The following COG3 variants were observed in gnomAD, a reference collection of about 807,000 sequenced individuals.
COG3 encodes the protein conserved oligomeric Golgi complex subunit 3.
Under a neutral mutation model 114.1 loss-of-function variants are expected in COG3, and 32 were observed. That is an observed-to-expected ratio of 0.28 (90% CI 0.21 to 0.38). The LOEUF is 0.38. COG3 is among the 10% of genes least tolerant of loss of function. The pLI is 1.00. For missense variants in COG3, 813 were observed against 973.2 expected, an observed-to-expected ratio of 0.84 and a Z score of 2.19; for synonymous variants, 352 against 365.7, an observed-to-expected ratio of 0.96 and a Z score of 0.43.
At chr13:45,498,874 T>A (rs996480125) in intron 13 of COG3, among the ~76,000 whole-genome samples, 4 of 152,036 alleles carry the variant, frequency 2.6e-5, no homozygotes, top group African/African-American at 9.7e-5. Context: ...TCTTTTTTTC[T>A]TGGTCAATCT....
intron 8 of COG3, among the ~76,000 whole-genome samples, chr13:45,487,381 A>G (rs868383774): frequency 5.3e-5 from 8 of 152,340 alleles, no homozygotes; most frequent in African/African-American, 1.9e-4. Context: ...AAAAACAAAA[A>G]TAGACAAATG....
chr13:45,467,321 G>A (rs1199743181), intron 1 of COG3, among the ~76,000 whole-genome samples: 2 of 152,366 alleles, frequency 1.3e-5, no homozygotes, highest in African/African-American at 4.8e-5. Context: ...GCCAGGTGCG[G>A]TGGCCCACGC....
intron 13 of COG3, among the ~76,000 whole-genome samples, chr13:45,500,023 A>AT (rs1158174396): frequency 2.5e-4 from 32 of 129,126 alleles, no homozygotes; most frequent in East Asian, 2.0e-4. Context: ...GCCTTAAAAA[A>AT]AAATATATAT....
At chr13:45,525,547 A>G (rs575835343) in intron 20 of COG3, among the ~76,000 whole-genome samples, 7 of 144,320 alleles carry the variant, frequency 4.9e-5, no homozygotes, top group African/African-American at 1.8e-4. Context: ...GGCAGGCAAT[A>G]CTATTGTCTG....
intron 13 of COG3, 138 bp downstream of exon 13, chr13:45,496,450 G>T: frequency 1.8e-6 from 1 of 568,354 alleles, no homozygotes; most frequent in Non-Finnish European, 2.4e-6. Context: ...GAACTCCTGA[G>T]CTCAAGTGAT....
In COG3 at chr13:45,481,213, C is replaced by G; in HGVS notation, c.550-17C>G. 1 of 1,474,378 alleles carries G rather than the reference C, an allele frequency of 6.8e-7. No individual in the cohort carries two copies. Among genetic ancestry groups the G allele is most frequent in the Non-Finnish European group, 9.4e-7 (1 of 1,064,736 alleles). 91.3% of individuals were successfully genotyped at this position (1,474,378 alleles called of 1,614,324 possible). ...TATTCTTATAATAATTGATTTTTCT[C>G]TTTTAAAAAATGCAAGTCGGAACTT... is the stretch of plus-strand genomic sequence containing the variant. On this transcript the variant is annotated splice_polypyrimidine_tract_variant and intron_variant, in intron 4 of 22. Transcript: ENST00000349995.
intron 10 of COG3, 21 bp from the exon 11 acceptor site, chr13:45,492,138 G>A (rs773505493): frequency 1.0e-5 from 15 of 1,443,632 alleles, no homozygotes; most frequent in Middle Eastern, 1.7e-4. Context: ...ACTGTAGGTG[G>A]TGTGTGTTTG....
chr13:45,466,259 G>A (rs1593664185), intron 1 of COG3, among the ~76,000 whole-genome samples: 1 of 152,068 alleles, frequency 6.6e-6, no homozygotes, highest in East Asian at 1.9e-4. Context: ...GGCTGTTCTC[G>A]AACTCCTGAC....
intron 9 of COG3, 50 bp downstream of exon 9, chr13:45,491,008 G>C: frequency 8.0e-7 from 1 of 1,243,036 alleles, no homozygotes; most frequent in Non-Finnish European, 1.2e-6. Context: ...TTGTCTTGTA[G>C]TACTGTTTTT....
chr13:45,501,956 T>C (rs906401158), intron 13 of COG3, among the ~76,000 whole-genome samples: 8 of 152,240 alleles, frequency 5.3e-5, no homozygotes, highest in Non-Finnish European at 1.2e-4. Context: ...ATATTAATTA[T>C]TTATATGTTG....
At chr13:45,498,785 T>TC (rs2137847289) in intron 13 of COG3, among the ~76,000 whole-genome samples, 1 of 142,028 alleles carries the variant, frequency 7.0e-6, no homozygotes, top group African/African-American at 2.8e-5. Flanking sequence ...ATTTTGTTCT[T>TC]TTTTTTTTTT....
At chr13:45,493,203 A>C (rs1049018865) in intron 11 of COG3, 144 bp from the exon 12 acceptor site, 1 of 598,698 alleles carries the variant, frequency 1.7e-6, no homozygotes, top group Non-Finnish European at 2.8e-6. Flanking sequence ...CTTTTCCCTT[A>C]TCATTCTATA....
At chr13:45,474,758 A>G (rs1235531944) in intron 1 of COG3, among the ~76,000 whole-genome samples, 1 of 151,318 alleles carries the variant, frequency 6.6e-6, no homozygotes, top group Non-Finnish European at 1.5e-5. Context: ...CTATCTTCAG[A>G]TGAAACTTCT....
chr13:45,517,414 C>G (rs1871656539), intron 17 of COG3, among the ~76,000 whole-genome samples: 1 of 152,110 alleles, frequency 6.6e-6, no homozygotes, highest in South Asian at 2.1e-4. Flanking sequence ...TATTTCGTTC[C>G]CTAGTGCTCT....
At chr13:45,483,910 C>T (rs1370061279) in intron 7 of COG3, among the ~76,000 whole-genome samples, 1 of 152,064 alleles carries the variant, frequency 6.6e-6, no homozygotes, top group Admixed American at 6.5e-5. Flanking sequence ...AATAAGGTCC[C>T]TGCCCTCATG....
Position 45,503,348 on chromosome 13 carries a change from TG to T in COG3, c.1594+1del. 1 of 1,477,784 alleles carries T rather than the reference TG, an allele frequency of 6.8e-7. No homozygotes were observed. Among genetic ancestry groups the T allele is most frequent in the Non-Finnish European group, 9.5e-7 (1 of 1,056,006 alleles). 91.5% of individuals were successfully genotyped at this position (1,477,784 alleles called of 1,614,324 possible). Reference protein sequence around the residue: ...EGESNSLTKSGSTESLNPRPQ... With the variant: ...EGESNSLTKSXSTESLNPRPQ... Reference sequence around the variant, plus strand: ...GAGAGTCTAACAGTCTGACAAAATCTGGTATGTTATGATGTCTTAACTGCCA... The same window carrying T: ...GAGAGTCTAACAGTCTGACAAAATCTGTATGTTATGATGTCTTAACTGCCA... On this transcript the variant is annotated frameshift_variant and splice_region_variant, in exon 14 of 23. Transcript: ENST00000349995. LOFTEE classifies it high-confidence loss of function.
intron 17 of COG3, among the ~76,000 whole-genome samples, 187 bp from the exon 18 acceptor site, chr13:45,518,575 T>C (rs1204132581): frequency 6.6e-6 from 1 of 152,254 alleles, no homozygotes; most frequent in African/African-American, 2.4e-5. Context: ...TTTGAACTTC[T>C]AGAAAATAAC....
chr13:45,513,187 A>ATATATATATAATATATACATATAAAT (rs1871068715), intron 16 of COG3, among the ~76,000 whole-genome samples: 1 of 121,916 alleles, frequency 8.2e-6, no homozygotes, highest in African/African-American at 2.7e-5. Context: ...AGGCTTTTAT[A>ATATATATATAATATATACATATAAAT]TATATATATA....
chr13:45,532,321 A>G (rs1275838024), intron 22 of COG3, among the ~76,000 whole-genome samples: 1 of 152,126 alleles, frequency 6.6e-6, no homozygotes, highest in African/African-American at 2.4e-5. Flanking sequence ...TACTTTCTAT[A>G]TGATTGTACC....
Sources: allele counts gnomAD v4.1 joint callset (sites outside exome capture counted in the v4.1 genomes callset), GRCh38; gene constraint gnomAD v4.1.1; transcripts MANE v1.5; gene names NCBI Gene and HGNC (gene_info 2026-07-23, HGNC 2026-07-21).